Variants in P3H2 observed in about 807,000 individuals in gnomAD.
The protein encoded by P3H2 is prolyl 3-hydroxylase 2.
A neutral mutation model predicts 87.0 loss-of-function variants in P3H2; 80 were observed. The ratio of observed to expected loss-of-function variants is 0.92; its 90% CI spans 0.77 to 1.11. The LOEUF (loss-of-function observed/expected upper bound fraction) is 1.11, where lower values mean the gene tolerates loss of function less well. Ranked by LOEUF, P3H2 falls within the 50% of genes least tolerant of loss-of-function variation. The pLI is 0.00. For synonymous variants in P3H2, 367 were observed against 359.3 expected (o/e 1.02, Z -0.24); for missense variants, 1,001 against 923.9 (o/e 1.08, Z -1.08).
At position 190,039,194 on chromosome 3, in the gene P3H2, A is replaced by AAT. The variant is rs555326757; in HGVS notation, c.481-43753_481-43752insAT. On this transcript the variant is annotated intron_variant, in intron 1 of 14. Transcript: ENST00000319332. ...ACAAAAGCGAAACTCCATCTCAAAA[A>AAT]AAAAAATAAAAAAGAATTGAGCACT... is the stretch of plus-strand genomic sequence containing the variant. 1.3e-3 allele frequency among the ~76,000 whole-genome samples: 200 copies of AAT among 151,992 alleles called. 1 individual carries two copies. The highest frequency in any genetic ancestry group is 3.9e-3 in the African/African-American group (163 of 41,466).
At chr3:190,060,213 G>A (rs1726291783) in intron 1 of P3H2, among the ~76,000 whole-genome samples, 1 of 151,952 alleles carries the variant, frequency 6.6e-6, no homozygotes, top group South Asian at 2.1e-4. Context: ...ATGCCTGGAT[G>A]TTAAGGAAAA....
upstream of P3H2, chr3:190,120,900 A>G (rs555117088): frequency 1.8e-4 from 202 of 1,112,318 alleles, no homozygotes; most frequent in African/African-American, 2.6e-3. Flanking sequence ...TGAGAGGCGG[A>G]GGCCGTGCCT....
At chr3:190,119,387 T>C (rs962645259) in intron 1 of P3H2, among the ~76,000 whole-genome samples, 5 of 152,020 alleles carry the variant, frequency 3.3e-5, no homozygotes, top group Non-Finnish European at 4.4e-5. Flanking sequence ...GAAGGAAAAT[T>C]GGGTGAGTGG....
chr3:190,054,470 A>G (rs1329187052), intron 1 of P3H2, among the ~76,000 whole-genome samples: 1 of 152,166 alleles, frequency 6.6e-6, no homozygotes, highest in East Asian at 1.9e-4. Flanking sequence ...GAGAGATACT[A>G]CTGGGCCTGT....
At chr3:190,059,633 C>T (rs1726274494) in intron 1 of P3H2, among the ~76,000 whole-genome samples, 1 of 152,160 alleles carries the variant, frequency 6.6e-6, no homozygotes, top group African/African-American at 2.4e-5. Context: ...CTGCCTCTGC[C>T]ACCCACCCCT....
chr3:190,114,246 C>T (rs1444576663), intron 1 of P3H2, among the ~76,000 whole-genome samples: 1 of 147,456 alleles, frequency 6.8e-6, no homozygotes, highest in Non-Finnish European at 1.5e-5. Flanking sequence ...TGCGGTGGCG[C>T]CATCTCGGCT....
rs1166711988 is a variant in P3H2 at position 190,109,108 on chromosome 3, C to T, written c.480+11144G>A. ...AGTGGGAAACATCCTAGTTTTCTTT[C>T]GTGAGACAGATATCAGAGTGGGAAA... On this transcript the variant is annotated intron_variant, in intron 1 of 14. Coordinates refer to ENST00000319332, the MANE Select transcript of P3H2 (RefSeq NM_018192.4). 3.3e-5 allele frequency among the ~76,000 whole-genome samples: 5 copies of T among 152,238 alleles called. No homozygotes were observed. The East Asian group carries it at 5.8e-4, about 18-fold the overall frequency.
At chr3:190,118,212 T>C (rs942380472) in intron 1 of P3H2, among the ~76,000 whole-genome samples, 2 of 152,144 alleles carry the variant, frequency 1.3e-5, no homozygotes, top group Non-Finnish European at 1.5e-5. Context: ...AACCCACATA[T>C]TGAGAGTTAC....
chr3:189,973,931 G>A lies in P3H2; in HGVS notation c.1526C>T (p.Ala509Val), dbSNP rs778358506. ...TACTTTGAGTGCTTTCAGGACAGTT[G>A]CACCTTCAAACTTTTCATTGGGTGT... The part of the protein sequence containing the change: ...PHTPNEKFEG[A>V]TVLKALKSGY... Residue 509 changes from alanine to valine, a missense_variant, in exon 10 of 15, where the codon GCA becomes GTA. Coordinates refer to ENST00000319332, the MANE Select transcript of P3H2 (RefSeq NM_018192.4). 6.2e-7 allele frequency: 1 copy of A among 1,613,670 alleles called. No individual in the cohort carries two copies. The highest frequency in any genetic ancestry group is 8.5e-7 in the Non-Finnish European group (1 of 1,179,732).
rs113569243 is a variant in P3H2 at position 190,066,442 on chromosome 3, T to A, written c.480+53810A>T. On this transcript the variant is annotated intron_variant, in intron 1 of 14. Coordinates refer to ENST00000319332, the MANE Select transcript of P3H2 (RefSeq NM_018192.4). The stretch of plus-strand genomic sequence containing the variant: ...ATAAGTGGGAGCTGAGCTATGAGGA[T>A]GCAAAGGCATAAGGATGACACAATA... Among the ~76,000 whole-genome samples the A allele has an allele frequency of 6.6e-3, 1,010 of 152,004 alleles. 13 individuals carry two copies. The highest frequency in any genetic ancestry group is 0.023 in the African/African-American group (953 of 41,454).
intron 1 of P3H2, among the ~76,000 whole-genome samples, chr3:190,088,820 C>G (rs747981087): frequency 1.3e-5 from 2 of 152,052 alleles, no homozygotes; most frequent in Non-Finnish European, 2.9e-5. Context: ...TATACTACAG[C>G]CTTGAAAACA....
At chr3:189,988,431 TAC>T (rs1212292494) in intron 4 of P3H2, among the ~76,000 whole-genome samples, 1,663 of 151,632 alleles carry the variant, frequency 0.011, 25 homozygotes, top group African/African-American at 0.038. Flanking sequence ...AATAAATACA[TAC>T]ACACACACAC....
At chr3:189,996,727 T>C (rs1476273001) in intron 1 of P3H2, among the ~76,000 whole-genome samples, 1 of 125,488 alleles carries the variant, frequency 8.0e-6, no homozygotes, top group Non-Finnish European at 1.8e-5. Context: ...TACCCGTAAT[T>C]ATGTATACTT....
chr3:190,016,239 TTTTA>T lies in P3H2; in HGVS notation c.481-20801_481-20798del, dbSNP rs534985795. 6.1e-3 allele frequency among the ~76,000 whole-genome samples: 923 copies of T among 152,182 alleles called. 11 individuals are homozygous for T. The highest frequency in any genetic ancestry group is 0.021 in the African/African-American group (875 of 41,522). On this transcript the variant is annotated intron_variant, in intron 1 of 14. Coordinates refer to ENST00000319332, the MANE Select transcript of P3H2 (RefSeq NM_018192.4). ...ATTAACACCAAATCCTAATTTTTAT[TTTTA>T]TTTATTTATTTATTTTTGAGATGGA...
chr3:190,106,592 T>C (rs566866791), intron 1 of P3H2, among the ~76,000 whole-genome samples: 7 of 152,142 alleles, frequency 4.6e-5, no homozygotes, highest in Non-Finnish European at 1.0e-4. Context: ...ATAGGTATGA[T>C]TATTGTCATT....
At chr3:190,067,015 T>TC (rs1042298544) in intron 1 of P3H2, among the ~76,000 whole-genome samples, 10 of 151,186 alleles carry the variant, frequency 6.6e-5, no homozygotes, top group African/African-American at 2.4e-4. Context: ...TTCTTTCTTT[T>TC]TTTTTTTTTT....
At chr3:190,016,109 C>T (rs1724745255) in intron 1 of P3H2, among the ~76,000 whole-genome samples, 1 of 152,200 alleles carries the variant, frequency 6.6e-6, no homozygotes, top group African/African-American at 2.4e-5. Context: ...AAGGAGAAAA[C>T]ATCCACAACA....
intron 3 of P3H2, among the ~76,000 whole-genome samples, chr3:189,992,083 C>T (rs1167699100): frequency 1.3e-5 from 2 of 151,934 alleles, no homozygotes; most frequent in African/African-American, 4.8e-5. Context: ...GTGAGTAGTG[C>T]TTTTTGTTTG....
intron 1 of P3H2, among the ~76,000 whole-genome samples, chr3:190,115,483 TAAGA>T (rs1712255978): frequency 6.8e-6 from 1 of 147,872 alleles, no homozygotes; most frequent in Non-Finnish European, 1.5e-5. Flanking sequence ...AGGACACAGA[TAAGA>T]AAGAAAAGTA....
Sources: gnomAD v4.1 joint callset for allele counts (sites outside exome capture counted in the v4.1 genomes callset) on GRCh38, gnomAD v4.1.1 for gene constraint, MANE v1.5 for transcripts, NCBI Gene and HGNC (gene_info 2026-07-23, HGNC 2026-07-21) for gene names.